The following SYNE2 variants were observed in gnomAD, a reference collection of about 807,000 sequenced individuals.
SYNE2 encodes the protein spectrin repeat containing nuclear envelope protein 2, also known as nesprin-2.
In SYNE2, 431 loss-of-function variants were observed where a neutral mutation model predicts 856.3. That is an observed-to-expected ratio of 0.50 (90% CI 0.47 to 0.55). The LOEUF (loss-of-function observed/expected upper bound fraction) is 0.55. Among genes scored for constraint, SYNE2 ranks in the 20% least tolerant of loss-of-function variants. The pLI is 0.00. For missense variants in SYNE2, 8,129 were observed against 8,023.2 expected (o/e 1.01, Z -0.50); for synonymous variants, 2,923 against 2,872.3 (o/e 1.02, Z -0.56).
chr14:64,075,654 T>C (rs906731835), intron 53 of SYNE2: 3 of 347,040 alleles, frequency 8.6e-6, no homozygotes, highest in Admixed American at 4.3e-5. Context: ...GCAATGGAGA[T>C]ACAATTAAAT....
rs534333536 is a variant in SYNE2, at chr14:63,980,579, G to A, written c.1570-75G>A. On this transcript the variant is annotated intron_variant, in intron 14 of 115. Coordinates refer to ENST00000555002, the MANE Select transcript of SYNE2 (RefSeq NM_182914.3). ...TAACTCTGTCCTTCGTTGAATGGCT[G>A]TATCTCACTATCTGGATTTCTTGGC... 6.3e-4 allele frequency: 604 copies of A among 966,128 alleles called. 14 individuals carry two copies. In the South Asian group the frequency reaches 7.8e-3, roughly 13 times the overall value. The allele number at this position is 966,128 out of a possible 1,614,324, so 59.8% of individuals were successfully genotyped here. A position where few individuals can be genotyped will look rare whatever the true frequency, so the allele number is the denominator to read the frequency against.
chr14:64,201,207 A>C (rs1267310805), intron 99 of SYNE2, among the ~76,000 whole-genome samples: 2 of 152,156 alleles, frequency 1.3e-5, no homozygotes, highest in Non-Finnish European at 2.9e-5. Context: ...TCCGGCCCTC[A>C]CCTCACCCGA....
rs776974893 is a variant in SYNE2 at position 64,223,354 on chromosome 14, G to T, written c.20356G>T (p.Asp6786Tyr). 2 of 1,614,100 alleles carry T rather than the reference G, an allele frequency of 1.2e-6. No homozygotes were observed. The highest frequency in any genetic ancestry group is 2.2e-5 in the South Asian group (2 of 91,024). The change falls in exon 113 of 116, where the codon GAT becomes TAT. Residue 6786 changes from aspartate to tyrosine, a missense_variant. By Grantham distance (160) the Asp-to-Tyr change is radical. Coordinates refer to ENST00000555002, the MANE Select transcript of SYNE2 (RefSeq NM_182914.3). The stretch of plus-strand genomic sequence containing the variant: ...ACAGTTACGGGAGCAAGTGTCCCAA[G>T]ATTTAATGGCCTTGCAGGGAACCCA... ...LKQLREQVSQ[D>Y]LMALQGTQNP...
chr14:64,011,211 G>A (rs546433359), intron 32 of SYNE2, among the ~76,000 whole-genome samples: 43 of 152,300 alleles, frequency 2.8e-4, no homozygotes, highest in African/African-American at 8.9e-4. Context: ...CTGGCCAGTC[G>A]GAAGCAGCCC....
chr14:63,972,513 C>G (rs1170431770), intron 11 of SYNE2, among the ~76,000 whole-genome samples: 2 of 152,090 alleles, frequency 1.3e-5, no homozygotes, highest in African/African-American at 4.8e-5. Flanking sequence ...TATGCAGTTT[C>G]TGGTTCAATA....
At chr14:63,918,602 G>A (rs556733195) in intron 2 of SYNE2, among the ~76,000 whole-genome samples, 7 of 152,322 alleles carry the variant, frequency 4.6e-5, no homozygotes, top group East Asian at 1.9e-4. Context: ...AGGTCTGTGC[G>A]GTGATGCATG....
rs185547147 is a variant in SYNE2 at position 63,900,633 on chromosome 14, A to G, written c.-51-8465A>G. Among the ~76,000 whole-genome samples the G allele has an allele frequency of 1.7e-3, 264 of 152,316 alleles. 1 individual carries two copies. Among genetic ancestry groups the G allele is most frequent in the African/African-American group, 6.0e-3 (251 of 41,556 alleles). On this transcript the variant is annotated intron_variant, in intron 1 of 115. Coordinates refer to ENST00000555002, the MANE Select transcript of SYNE2 (RefSeq NM_182914.3). ...GGTGGGGACACAGCCAGACCATATC[A>G]TAGGATTGGTTGTTCTGGCATTTGT...
chr14:64,136,151 G>A (rs1488674988), intron 78 of SYNE2, among the ~76,000 whole-genome samples: 1 of 152,022 alleles, frequency 6.6e-6, no homozygotes, highest in Non-Finnish European at 1.5e-5. Context: ...TTAGCTGGGT[G>A]TGGTGGCACG....
At chr14:63,947,592 T>C (rs1332045384) in intron 6 of SYNE2, among the ~76,000 whole-genome samples, 1 of 152,080 alleles carries the variant, frequency 6.6e-6, no homozygotes, top group Non-Finnish European at 1.5e-5. Flanking sequence ...TCCCAGCACT[T>C]TGGGAGGCCG....
At chr14:63,798,393 T>C (rs1473203812) in intron 1 of SYNE2, among the ~76,000 whole-genome samples, 2 of 151,770 alleles carry the variant, frequency 1.3e-5, no homozygotes, top group African/African-American at 4.8e-5. Flanking sequence ...TGTTTTTTTT[T>C]TTTTCTTTTT....
rs767400013 is a variant in SYNE2 at position 64,119,551 on chromosome 14, T to G, written c.12965T>G (p.Val4322Gly). ...GCGCTTTCCCTGAAACTGAAAACAG[T>G]GAAGTGCAATTTAGAAAAAGTCCAG... ...AEALSLKLKT[V>G]KCNLEKVQMM... Residue 4322 changes from valine (V) to glycine (G), a missense_variant, in exon 67 of 116, where the codon GTG becomes GGG. Val to Gly is a moderately radical substitution (Grantham distance 109, BLOSUM62 -3). Coordinates refer to ENST00000555002, the MANE Select transcript of SYNE2 (RefSeq NM_182914.3). 1 of 1,614,112 alleles carries G rather than the reference T, an allele frequency of 6.2e-7. No individual in the cohort carries two copies. Among genetic ancestry groups the G allele is most frequent in the East Asian group, 2.2e-5 (1 of 44,880 alleles).
chr14:64,080,719 A>T, intron 56 of SYNE2, 81 bp downstream of exon 56: 2 of 1,531,408 alleles, frequency 1.3e-6, no homozygotes, highest in Non-Finnish European at 1.8e-6. Flanking sequence ...ATTCAGAAAC[A>T]GTCAGTTTCT....
rs2097237919 is a variant in SYNE2 at position 64,052,865 on chromosome 14, T to C, written c.8952T>C (p.Leu2984=). The change falls in exon 48 of 116, where the codon CTT becomes CTC. Residue 2984 remains leucine (L), a synonymous_variant. Transcript: ENST00000555002. ...GTGTTAAAGAGGAGATCTATAATCT[T>C]AAAGACAGACTCACCGCTATTAAGT... ...NKGVKEEIYN[L]KDRLTAIKCC... 6.2e-7 allele frequency: 1 copy of C among 1,613,688 alleles called. No individual in the cohort carries two copies. Among genetic ancestry groups the C allele is most frequent in the African/African-American group, 1.3e-5 (1 of 74,924 alleles).
chr14:64,186,309 CCT>C, intron 96 of SYNE2, 113 bp from the exon 97 acceptor site: 1 of 1,377,502 alleles, frequency 7.3e-7, no homozygotes, highest in Non-Finnish European at 1.0e-6. Flanking sequence ...AAGGTCCCTC[CCT>C]CTCTCCTGGC....
rs778398759 is a variant in SYNE2, at chr14:64,128,525, G to A, written c.13991G>A (p.Ser4664Asn). The A allele has an allele frequency of 8.1e-6, 13 of 1,609,634 alleles. No individual in the cohort carries two copies. The highest frequency in any genetic ancestry group is 9.4e-6 in the Non-Finnish European group (11 of 1,175,990). Residue 4664 changes from serine to asparagine, a missense_variant, in exon 74 of 116, where the codon AGT becomes AAT. This residue lies in a region of SYNE2 where 5,410 missense variants were observed against 5,284.8 expected (regional missense o/e 1.02). Coordinates refer to ENST00000555002, the MANE Select transcript of SYNE2 (RefSeq NM_182914.3). ...TTACAACAGTCTTTGAATGAAATCA[G>A]TGGGCAGAGTGTTGCTGAACAGCTT... The part of the protein sequence containing the change: ...TSLQQSLNEI[S>N]GQSVAEQLQK...
chr14:63,935,635 C>A (rs370324966), intron 2 of SYNE2, among the ~76,000 whole-genome samples: 4 of 152,272 alleles, frequency 2.6e-5, no homozygotes, highest in African/African-American at 9.6e-5. Flanking sequence ...GTAGAACAGA[C>A]AACCTTAAGA....
At chr14:63,768,556 A>G (rs1039230281) in intron 1 of SYNE2, among the ~76,000 whole-genome samples, 8 of 152,186 alleles carry the variant, frequency 5.3e-5, no homozygotes, top group Non-Finnish European at 1.0e-4. Context: ...TGTATCAGGA[A>G]ACTTTTTTGC....
chr14:63,920,890 G>A (rs1228091518), intron 2 of SYNE2, among the ~76,000 whole-genome samples: 1 of 152,056 alleles, frequency 6.6e-6, no homozygotes, highest in Non-Finnish European at 1.5e-5. Flanking sequence ...GAGGCGGGTG[G>A]ATCACTTGAG....
Position 64,167,479 on chromosome 14 carries a change from T to C in SYNE2, c.16761-16T>C. The C allele has an allele frequency of 6.2e-7, 1 of 1,614,218 alleles. No individual in the cohort carries two copies. The highest frequency in any genetic ancestry group is 1.3e-5 in the African/African-American group (1 of 75,052). On this transcript the variant is annotated splice_polypyrimidine_tract_variant and intron_variant, in intron 91 of 115. Coordinates refer to ENST00000555002, the MANE Select transcript of SYNE2 (RefSeq NM_182914.3). ...GCATTGTTAACATGGGTGTGTTTTG[T>C]TTTAAACCTTTGTAGTGAGCTTCAG... is the stretch of plus-strand genomic sequence containing the variant.
Sources: gnomAD v4.1 joint callset for allele counts (sites outside exome capture counted in the v4.1 genomes callset) on GRCh38, gnomAD v4.1.1 for gene constraint, gnomAD v4.1.1 regional missense constraint, MANE v1.5 for transcripts, NCBI Gene and HGNC (gene_info 2026-07-23, HGNC 2026-07-21) for gene names.